RHBDL3: variants seen among roughly 807,000 people sequenced by gnomAD.
The protein encoded by RHBDL3 is rhomboid like 3, also known as rhomboid-related protein 3.
In RHBDL3, 28 loss-of-function variants were observed where a neutral mutation model predicts 48.2. The observed-to-expected ratio is 0.58, with a 90% CI of 0.43 to 0.80. RHBDL3 has a LOEUF of 0.80. RHBDL3 is among the 30% of genes least tolerant of loss of function. The probability of loss-of-function intolerance (pLI) is 0.00; values close to 1 mark genes in which losing one functional copy is unlikely to be tolerated. For missense variants in RHBDL3, 464 were observed against 542.7 expected (o/e 0.85, Z 1.44); for synonymous variants, 208 against 232.3 (o/e 0.90, Z 0.95).
intron 7 of RHBDL3, among the ~76,000 whole-genome samples, chr17:32,310,433 T>C (rs2040816145): frequency 6.6e-6 from 1 of 150,832 alleles, no homozygotes; most frequent in African/African-American, 2.4e-5. Flanking sequence ...TACAAAAAAC[T>C]GGCTGGTGCG....
At chr17:32,309,787 T>C (rs1179364140) in intron 7 of RHBDL3, among the ~76,000 whole-genome samples, 2 of 73,324 alleles carry the variant, frequency 2.7e-5, no homozygotes, top group South Asian at 7.7e-4. Flanking sequence ...TTTTTTTTTT[T>C]TTTTTTTTTT....
intron 8 of RHBDL3, 120 bp downstream of exon 8, chr17:32,316,412 A>G: frequency 1.5e-6 from 1 of 687,000 alleles, no homozygotes; most frequent in South Asian, 1.9e-5. Context: ...GGACATGTCA[A>G]TGGTTAGCAA....
rs2041114193 is a variant in RHBDL3 at position 32,320,943 on chromosome 17, T to C, written c.944-15T>C. 6.2e-7 allele frequency: 1 copy of C among 1,602,608 alleles called. No individual in the cohort carries two copies. The highest frequency in any genetic ancestry group is 1.1e-5 in the South Asian group (1 of 90,602). On this transcript the variant is annotated splice_polypyrimidine_tract_variant and intron_variant, in intron 8 of 8. Transcript: ENST00000269051. Reference sequence around the variant, plus strand: ...GGGCCCTCCTGTGACATCTCTCTGCTTCCTCCCCTTGCAGTGAGCATGGAG... The same window carrying C: ...GGGCCCTCCTGTGACATCTCTCTGCCTCCTCCCCTTGCAGTGAGCATGGAG...
rs188516899 is a variant in RHBDL3 at position 32,306,742 on chromosome 17, G to A, written c.882+1301G>A. The stretch of plus-strand genomic sequence containing the variant: ...TCAAGACCAGCCCAGGCAACATGGT[G>A]AAACTCCATCTCTATAAAAAATACA... On this transcript the variant is annotated intron_variant, in intron 7 of 8. Transcript: ENST00000269051. Among the ~76,000 whole-genome samples, 484 of 152,214 alleles carry A rather than the reference G, an allele frequency of 3.2e-3. 4 individuals carry two copies. Among genetic ancestry groups the A allele is most frequent in the Admixed American group, 6.5e-3 (99 of 15,280 alleles).
At position 32,324,540 on chromosome 17, in the gene RHBDL3, CAA is replaced by C. The variant is rs1234160061; in HGVS notation, c.*3314_*3315del. 2.0e-5 allele frequency: 3 copies of C among 152,736 alleles called. No homozygotes were observed. Among genetic ancestry groups the C allele is most frequent in the Admixed American group, 2.0e-4 (3 of 15,308 alleles). 9.5% of individuals were successfully genotyped at this position (152,736 alleles called of 1,614,324 possible). ...CGAGGACTTGAGTAAGTGGAAAAAA[CAA>C]AACACAGACTGCAATGTTTGTTTCT... is the stretch of plus-strand genomic sequence containing the variant. On this transcript the variant is annotated 3_prime_UTR_variant, in exon 9 of 9. Coordinates refer to ENST00000269051, the MANE Select transcript of RHBDL3 (RefSeq NM_138328.3).
In RHBDL3 at chr17:32,275,011, C is replaced by T. The variant is rs553818252; in HGVS notation, c.135+7086C>T. Among the ~76,000 whole-genome samples the T allele has an allele frequency of 3.9e-5, 6 of 152,256 alleles. No individual in the cohort carries two copies. The South Asian group carries it at 6.2e-4, about 16-fold the overall frequency. On this transcript the variant is annotated intron_variant, in intron 2 of 8. Transcript: ENST00000269051. ...CCCTTTATCCTGCCTGCCATGCACC[C>T]GCTCTGCATCTTGCTCCCCTCCTTC...
intron 5 of RHBDL3, among the ~76,000 whole-genome samples, chr17:32,296,683 AG>A (rs1427395583): frequency 6.6e-6 from 1 of 151,996 alleles, no homozygotes; most frequent in East Asian, 1.9e-4. Context: ...TGAGACTTTA[AG>A]GGAAAGCTTT....
chr17:32,297,501 AAG>A (rs1390762834), intron 5 of RHBDL3, among the ~76,000 whole-genome samples: 2 of 151,928 alleles, frequency 1.3e-5, no homozygotes, highest in Non-Finnish European at 2.9e-5. Context: ...ACAAAAAACA[AAG>A]AGAGCCAGAA....
intron 6 of RHBDL3, among the ~76,000 whole-genome samples, chr17:32,301,104 A>T (rs1434070508): frequency 2.0e-5 from 3 of 150,832 alleles, no homozygotes; most frequent in South Asian, 2.1e-4. Flanking sequence ...TTAGTATTGA[A>T]CTCCTGACCT....
At position 32,321,221 on chromosome 17, in the gene RHBDL3, C is replaced by A. The variant is rs1167081168; in HGVS notation, c.1207C>A (p.Pro403Thr). 1.9e-6 allele frequency: 3 copies of A among 1,613,978 alleles called. No homozygotes were observed. Among genetic ancestry groups the A allele is most frequent in the Admixed American group, 1.7e-5 (1 of 60,006 alleles). The change falls in exon 9 of 9, where the codon CCC becomes ACC. Residue 403 changes from proline to threonine, a missense_variant. Physicochemically the swap from Pro to Thr is conservative, Grantham distance 38 (BLOSUM62 -1). Transcript: ENST00000269051. The stretch of plus-strand genomic sequence containing the variant: ...CCTGCTGGACTTAAAGCTGCCGCCT[C>A]CCCCCTGAGGGCTGGAGGCCCAAGG... The part of the protein sequence containing the change: ...YTLLDLKLPP[P>T]P
At chr17:32,273,616 G>A (rs2039826584) in intron 2 of RHBDL3, among the ~76,000 whole-genome samples, 2 of 152,230 alleles carry the variant, frequency 1.3e-5, no homozygotes, top group African/African-American at 2.4e-5. Context: ...TTGTGAAGAC[G>A]GGATGCTGTG....
chr17:32,299,590 A>C (rs1423857286), intron 6 of RHBDL3, among the ~76,000 whole-genome samples: 1 of 152,244 alleles, frequency 6.6e-6, no homozygotes, highest in Admixed American at 6.5e-5. Context: ...AGACATTAAT[A>C]ACATTTGCAG....
At chr17:32,318,476 C>CA (rs1295089967) in intron 8 of RHBDL3, among the ~76,000 whole-genome samples, 2 of 30,124 alleles carry the variant, frequency 6.6e-5, no homozygotes, top group Non-Finnish European at 1.4e-4. Context: ...AACAAACAAA[C>CA]AAAAAAACCA....
intron 4 of RHBDL3, among the ~76,000 whole-genome samples, chr17:32,292,080 ATATTCT>A (rs1237248180): frequency 6.6e-6 from 1 of 152,088 alleles, no homozygotes; most frequent in Non-Finnish European, 1.5e-5. Context: ...CATACCTGAG[ATATTCT>A]TAAACAGTTA....
intron 1 of RHBDL3, chr17:32,267,655 G>GGCGGGC: frequency 3.3e-6 from 1 of 306,118 alleles, no homozygotes; most frequent in Non-Finnish European, 5.7e-6. Context: ...CACCCACCTT[G>GGCGGGC]CCGCCCCCGC....
intron 3 of RHBDL3, among the ~76,000 whole-genome samples, chr17:32,285,623 C>T (rs1464171106): frequency 1.3e-5 from 2 of 152,150 alleles, no homozygotes; most frequent in Admixed American, 1.3e-4. Context: ...GGCAGTATTT[C>T]ACCCACCATG....
chr17:32,324,154 G>A lies in RHBDL3; in HGVS notation c.*2925G>A, dbSNP rs144981304. The A allele has an allele frequency of 2.9e-4, 45 of 152,712 alleles. No individual in the cohort carries two copies. Among genetic ancestry groups the A allele is most frequent in the African/African-American group, 1.0e-3 (42 of 41,580 alleles). 9.5% of individuals were successfully genotyped at this position (152,712 alleles called of 1,614,324 possible). A position where few individuals can be genotyped will look rare whatever the true frequency, so the allele number is the denominator to read the frequency against. On this transcript the variant is annotated 3_prime_UTR_variant, in exon 9 of 9. Coordinates refer to ENST00000269051, the MANE Select transcript of RHBDL3 (RefSeq NM_138328.3). ...ATAGACTCACTGGCTCTCATTAAAC[G>A]GGAGAGGAATCACAGAAACTGGGGA... is the stretch of plus-strand genomic sequence containing the variant.
At chr17:32,293,137 T>G (rs1488687529) in intron 4 of RHBDL3, among the ~76,000 whole-genome samples, 3 of 130,888 alleles carry the variant, frequency 2.3e-5, no homozygotes, top group Non-Finnish European at 4.6e-5. Context: ...TTCATGGAGA[T>G]AGAAAGTAGA....
chr17:32,300,228 T>A (rs561838324), intron 6 of RHBDL3, among the ~76,000 whole-genome samples: 1 of 152,314 alleles, frequency 6.6e-6, no homozygotes, highest in South Asian at 2.1e-4. Flanking sequence ...GTGGTCCTTG[T>A]CCTTTTTGCA....
Sources: allele counts gnomAD v4.1 joint callset (sites outside exome capture counted in the v4.1 genomes callset), GRCh38; gene constraint gnomAD v4.1.1; transcripts MANE v1.5; gene names NCBI Gene and HGNC (gene_info 2026-07-23, HGNC 2026-07-21).